Variants in GLI1 observed in about 807,000 individuals in gnomAD.
GLI1 encodes GLI family zinc finger 1, also known as transcription activator GLI1.
GLI1 carries 51 observed loss-of-function variants against 87.8 expected under a neutral mutation model. The observed-to-expected ratio is 0.58, with a 90% CI of 0.46 to 0.73. The LOEUF is 0.73. Ranked by LOEUF, GLI1 falls within the 30% of genes least tolerant of loss-of-function variation. GLI1 has a pLI of 0.00. For missense variants in GLI1, 1,292 were observed against 1,437.2 expected, an observed-to-expected ratio of 0.90 and a Z score of 1.63; for synonymous variants, 528 against 558.2, an observed-to-expected ratio of 0.95 and a Z score of 0.76.
At chr12:57,467,554 TC>T (rs1565599835) in intron 9 of GLI1, 57 bp downstream of exon 9, 1 of 1,415,160 alleles carries the variant, frequency 7.1e-7, no homozygotes, top group Non-Finnish European at 9.7e-7. Context: ...CCAGGGAGAT[TC>T]CCCCATAAGA....
intron 2 of GLI1, 27 bp downstream of exon 2, chr12:57,463,818 C>T: frequency 7.1e-7 from 1 of 1,402,176 alleles, no homozygotes; most frequent in South Asian, 1.2e-5. Context: ...ATCCCTGGGC[C>T]TTGAGGATTT....
intron 1 of GLI1, among the ~76,000 whole-genome samples, chr12:57,461,716 A>G (rs1463051700): frequency 3.3e-5 from 5 of 150,706 alleles, no homozygotes; most frequent in African/African-American, 7.3e-5. Flanking sequence ...AGCCGTCTGC[A>G]GCCAGTGCCT....
chr12:57,463,801 T>C lies in GLI1; in HGVS notation c.100+10T>C, dbSNP rs780928971. On this transcript the variant is annotated intron_variant, in intron 2 of 11. Transcript: ENST00000228682. ...AGTGTGGGGACAGAAGGTCAGTGTA[T>C]ATACCAATCCCTGGGCCTTGAGGAT... 8.1e-6 allele frequency: 12 copies of C among 1,488,550 alleles called. No individual in the cohort carries two copies. In the Admixed American group the frequency reaches 8.5e-5, roughly 10 times the overall value. 92.2% of individuals were successfully genotyped at this position (1,488,550 alleles called of 1,614,324 possible).
Position 57,464,803 on chromosome 12 carries a change from T to C in GLI1, c.324T>C (p.Ala108=). ...VIRTSPSSLV[A]FINSRCTSPG... ...GCACCTCACCCAGCTCCCTCGTAGC[T>C]TTCATCAACTCGCGATGCACATCTC... The change falls in exon 4 of 12, where the codon GCT becomes GCC. Residue 108 remains alanine, a synonymous_variant. Transcript: ENST00000228682. 3 of 1,614,104 alleles carry C rather than the reference T, an allele frequency of 1.9e-6. No homozygotes were observed. Among genetic ancestry groups the C allele is most frequent in the Non-Finnish European group, 2.5e-6 (3 of 1,179,980 alleles).
chr12:57,467,425 C>G lies in GLI1; in HGVS notation c.1005C>G (p.His335Gln). ...HTGEKPYMCE[H>Q]EGCSKAFSNA... ...GTGAGAAGCCATACATGTGTGAGCACGAGGGCTGCAGTAAAGCCTTCAGCA... is the reference window on the plus strand; with the variant it reads ...GTGAGAAGCCATACATGTGTGAGCAGGAGGGCTGCAGTAAAGCCTTCAGCA... The change falls in exon 9 of 12, where the codon CAC becomes CAG. Residue 335 changes from histidine to glutamine, a missense_variant. Transcript: ENST00000228682. 6.2e-7 allele frequency: 1 copy of G among 1,612,968 alleles called. No individual in the cohort carries two copies. Among genetic ancestry groups the G allele is most frequent in the Non-Finnish European group, 8.5e-7 (1 of 1,179,042 alleles).
chr12:57,464,539 A>G (rs1038554892), intron 3 of GLI1, 134 bp from the exon 4 acceptor site: 4 of 637,298 alleles, frequency 6.3e-6, no homozygotes, highest in Non-Finnish European at 8.1e-6. Flanking sequence ...AAAAAAAAAA[A>G]AAAGTCACAG....
chr12:57,465,199 G>C lies in GLI1; in HGVS notation c.478G>C (p.Ala160Pro), dbSNP rs1022750237. 3.1e-6 allele frequency: 5 copies of C among 1,613,916 alleles called. No individual in the cohort carries two copies. The highest frequency in any genetic ancestry group is 4.2e-6 in the Non-Finnish European group (5 of 1,179,912). ...GVQPCGPHDS[A>P]RGGMIPHPQS... ...CCAGCCTTGTGGTCCCCATGACTCT[G>C]CCCGGGGTGGGATGATCCCACATCC... The change falls in exon 5 of 12, where the codon GCC becomes CCC. Residue 160 changes from alanine to proline, a missense_variant. Transcript: ENST00000228682.
chr12:57,472,078 T>G lies in GLI1; in HGVS notation c.*17T>G, dbSNP rs116063694. 9.7e-4 allele frequency: 1,414 copies of G among 1,451,358 alleles called. 18 individuals are homozygous for G. The African/African-American group carries it at 0.018, about 19-fold the overall frequency. 89.9% of individuals were successfully genotyped at this position (1,451,358 alleles called of 1,614,324 possible). ...AGTGCCTAAAGAGTAGGGAATCTCA[T>G]CCATCACAGATCGCATTTCCTAAGG... is the stretch of plus-strand genomic sequence containing the variant. On this transcript the variant is annotated 3_prime_UTR_variant, in exon 12 of 12. Transcript: ENST00000228682.
intron 3 of GLI1, 108 bp downstream of exon 3, chr12:57,464,199 T>A: frequency 1.2e-6 from 1 of 805,548 alleles, no homozygotes; most frequent in South Asian, 1.4e-5. Flanking sequence ...TGCTTGGAGA[T>A]GTGAGGCGTC....
Position 57,469,480 on chromosome 12 carries a change from C to G in GLI1, c.1358C>G (p.Ser453Cys), listed in dbSNP as rs765965806. 19 of 1,613,936 alleles carry G rather than the reference C, an allele frequency of 1.2e-5. No homozygotes were observed. The change falls in exon 11 of 12, where the codon TCC becomes TGC. Residue 453 changes from serine to cysteine, a missense_variant. Physicochemically the swap from Ser to Cys is moderately radical, Grantham distance 112. Transcript: ENST00000228682. ...CAGTCATCCTGCAGCAGTGACCACT[C>G]CCCGGCAGGGAGTGCAGCCAATACA... ...GAQSSCSSDH[S>C]PAGSAANTDS... is the part of the protein sequence containing the mutation.
At chr12:57,468,921 T>G (rs1055589407) in intron 10 of GLI1, among the ~76,000 whole-genome samples, 1 of 152,062 alleles carries the variant, frequency 6.6e-6, no homozygotes, top group African/African-American at 2.4e-5. Context: ...CGGGCTAATT[T>G]TTTTGTATTT....
Position 57,464,533 on chromosome 12 carries a change from A to AG in GLI1, c.194-140_194-139insG, listed in dbSNP as rs1394562382. Reference sequence around the variant, plus strand: ...CATGACTCTGTGTCTCTCAAAAAAAAAAAAAAAAAGTCACAGATAGCATCA... The same window carrying AG: ...CATGACTCTGTGTCTCTCAAAAAAAAGAAAAAAAAAGTCACAGATAGCATCA... On this transcript the variant is annotated intron_variant, in intron 3 of 11. Coordinates refer to ENST00000228682, the MANE Select transcript of GLI1 (RefSeq NM_005269.3). The AG allele has an allele frequency of 4.8e-6, 3 of 630,774 alleles. No homozygotes were observed. The African/African-American group carries it at 5.5e-5, about 12-fold the overall frequency. 39.1% of individuals were successfully genotyped at this position (630,774 alleles called of 1,614,324 possible).
chr12:57,470,691 C>G lies in GLI1; in HGVS notation c.1951C>G (p.Pro651Ala). 6.2e-7 allele frequency: 1 copy of G among 1,612,580 alleles called. No homozygotes were observed. Among genetic ancestry groups the G allele is most frequent in the South Asian group, 1.1e-5 (1 of 90,972 alleles). The change falls in exon 12 of 12, where the codon CCA (proline) becomes GCA (alanine). Residue 651 changes from proline to alanine, a missense_variant. Physicochemically the swap from Pro to Ala is conservative, Grantham distance 27. This residue lies in a region of GLI1 where 897 missense variants were observed against 1,040.7 expected (regional missense o/e 0.86). Coordinates refer to ENST00000228682, the MANE Select transcript of GLI1 (RefSeq NM_005269.3). ...DPAQAADRPA[P>A]ARVQRFKSLG... is the part of the protein sequence containing the mutation. ...AGCCCAGGCTGCTGACCGTCCTGCTCCAGCTAGAGTCCAGAGGTTCAAGAG... is the reference window on the plus strand; with the variant it reads ...AGCCCAGGCTGCTGACCGTCCTGCTGCAGCTAGAGTCCAGAGGTTCAAGAG...
chr12:57,464,287 C>T (rs989781835), intron 3 of GLI1, among the ~76,000 whole-genome samples, 196 bp downstream of exon 3: 6 of 151,978 alleles, frequency 3.9e-5, no homozygotes, highest in Non-Finnish European at 7.4e-5. Context: ...GTGGGGAAGC[C>T]GTGGCAGGAA....
chr12:57,462,829 C>T (rs1195533927), intron 1 of GLI1, among the ~76,000 whole-genome samples: 4 of 152,172 alleles, frequency 2.6e-5, no homozygotes, highest in Non-Finnish European at 5.9e-5. Context: ...GGGACTGTGG[C>T]TAGGGCTCCC....
At position 57,464,011 on chromosome 12, in the gene GLI1, C is replaced by T. The variant is rs1392573638; in HGVS notation, c.113C>T (p.Pro38Leu). 3 of 1,612,956 alleles carry T rather than the reference C, an allele frequency of 1.9e-6. No homozygotes were observed. The highest frequency in any genetic ancestry group is 2.5e-6 in the Non-Finnish European group (3 of 1,179,032). The change falls in exon 3 of 12, where the codon CCG becomes CTG. Residue 38 changes from proline (P) to leucine (L), a missense_variant. Pro to Leu is a moderately conservative substitution (Grantham distance 98, BLOSUM62 -3). Coordinates refer to ENST00000228682, the MANE Select transcript of GLI1 (RefSeq NM_005269.3). Reference sequence around the variant, plus strand: ...CTCTTTTTTCTAGGACTGTCTGGCCCGCCCTTCTGCCACCAAGCTAACCTC... The same window carrying T: ...CTCTTTTTTCTAGGACTGTCTGGCCTGCCCTTCTGCCACCAAGCTAACCTC... The part of the protein sequence containing the change: ...PSVGTEGLSG[P>L]PFCHQANLMS...
At position 57,464,780 on chromosome 12, in the gene GLI1, A is replaced by G; in HGVS notation, c.301A>G (p.Thr101Ala). Residue 101 changes from threonine to alanine, a missense_variant, in exon 4 of 12, where the codon ACC (threonine) becomes GCC (alanine). Coordinates refer to ENST00000228682, the MANE Select transcript of GLI1 (RefSeq NM_005269.3). ...ASLDLQTVIR[T>A]SPSSLVAFIN... ...CCTGGACCTGCAGACGGTTATCCGC[A>G]CCTCACCCAGCTCCCTCGTAGCTTT... The G allele has an allele frequency of 6.2e-7, 1 of 1,613,730 alleles. No individual in the cohort carries two copies. The highest frequency in any genetic ancestry group is 8.5e-7 in the Non-Finnish European group (1 of 1,179,838).
At chr12:57,462,792 C>G (rs1327805132) in intron 1 of GLI1, among the ~76,000 whole-genome samples, 2 of 152,188 alleles carry the variant, frequency 1.3e-5, no homozygotes, top group Non-Finnish European at 2.9e-5. Flanking sequence ...GCTTGTGCTC[C>G]CTCCTGGCCC....
At chr12:57,465,374 AAG>A in intron 5 of GLI1, 119 bp downstream of exon 5, 1 of 967,390 alleles carries the variant, frequency 1.0e-6, no homozygotes. Flanking sequence ...TAGAAAAGTA[AAG>A]AGGTGTGGGT....
Sources: gnomAD v4.1 joint callset for allele counts (sites outside exome capture counted in the v4.1 genomes callset) on GRCh38, gnomAD v4.1.1 for gene constraint, gnomAD v4.1.1 regional missense constraint, MANE v1.5 for transcripts, NCBI Gene and HGNC (gene_info 2026-07-23, HGNC 2026-07-21) for gene names.